The following C4orf51 variants were observed in gnomAD, a reference collection of about 807,000 sequenced individuals.
The protein encoded by C4orf51 is uncharacterized protein C4orf51.
C4orf51 carries 25 observed loss-of-function variants against 25.2 expected under a neutral mutation model. The ratio of observed to expected loss-of-function variants is 0.99; its 90% CI spans 0.72 to 1.39. The LOEUF (loss-of-function observed/expected upper bound fraction) is 1.39, where lower values mean the gene tolerates loss of function less well. Ranked by LOEUF, C4orf51 falls within the 40% of genes most tolerant of loss-of-function variation. The probability of loss-of-function intolerance (pLI) is 0.00; values close to 1 mark genes in which losing one functional copy is unlikely to be tolerated. For synonymous variants in C4orf51, 100 were observed against 84.5 expected, an observed-to-expected ratio of 1.18 and a Z score of -1.01; for missense variants, 252 against 239.6, an observed-to-expected ratio of 1.05 and a Z score of -0.34.
the C4orf51 span, among the ~76,000 whole-genome samples, chr4:145,784,446 T>A: frequency 6.6e-6 from 1 of 152,320 alleles, no homozygotes; most frequent in East Asian, 1.9e-4. Flanking sequence ...TTCCACCTTT[T>A]GACAGGCTTT....
intron 2 of C4orf51, among the ~76,000 whole-genome samples, chr4:145,707,266 C>T (rs762841861): frequency 1.3e-5 from 2 of 152,202 alleles, no homozygotes; most frequent in Non-Finnish European, 2.9e-5. Flanking sequence ...TATATAAAAT[C>T]TCTTCTTTAT....
intron 1 of C4orf51, among the ~76,000 whole-genome samples, chr4:145,740,258 A>C (rs867158392): frequency 9.9e-5 from 10 of 100,680 alleles, no homozygotes; most frequent in East Asian, 3.0e-4. Flanking sequence ...AAAAAAAAAA[A>C]AAAAAAAAAA....
At chr4:145,697,869 T>C (rs1436085692) in intron 2 of C4orf51, among the ~76,000 whole-genome samples, 3 of 152,250 alleles carry the variant, frequency 2.0e-5, no homozygotes, top group Non-Finnish European at 2.9e-5. Context: ...TTTGGATATG[T>C]ATCAGTAGGA....
chr4:145,792,409 T>A, the C4orf51 span, among the ~76,000 whole-genome samples: 2 of 152,096 alleles, frequency 1.3e-5, no homozygotes, highest in Non-Finnish European at 2.9e-5. Context: ...ATGGCATTAC[T>A]ACTGTCAATA....
At position 145,761,487 on chromosome 4, in the gene C4orf51, G is replaced by A. The variant is rs375750847; in HGVS notation, n.167-9501G>A. ...GGGTGTGCGTCTCCAGCTCCAGCTGGTTGGCCTTCACCGTCTGGCAGATCC... is the reference window on the plus strand; with the variant it reads ...GGGTGTGCGTCTCCAGCTCCAGCTGATTGGCCTTCACCGTCTGGCAGATCC... On this transcript the variant is annotated intron_variant and non_coding_transcript_variant, in intron 1 of 1. Coordinates refer to the C4orf51 transcript ENST00000510096. This position sits in a 1 kb window ranked among gnomAD's most constrained non-coding sequence, Gnocchi z 6.8. 1 of 1,289,742 alleles carries A rather than the reference G, an allele frequency of 7.8e-7. No homozygotes were observed. Among genetic ancestry groups the A allele is most frequent in the East Asian group, 5.5e-5 (1 of 18,032 alleles). 79.9% of individuals were successfully genotyped at this position (1,289,742 alleles called of 1,614,324 possible).
chr4:145,779,030 C>A, the C4orf51 span, among the ~76,000 whole-genome samples: 1 of 152,150 alleles, frequency 6.6e-6, no homozygotes, highest in Non-Finnish European at 1.5e-5. Context: ...CTCCCACCCA[C>A]AACAATAAGA....
chr4:145,729,759 A>G, intron 4 of C4orf51, 133 bp from the exon 5 acceptor site: 1 of 670,212 alleles, frequency 1.5e-6, no homozygotes, highest in South Asian at 1.8e-5. Flanking sequence ...TGCTGGTGGC[A>G]GAGGAGGGGG....
chr4:145,693,508 C>T (rs1423562468), intron 1 of C4orf51, among the ~76,000 whole-genome samples: 11 of 152,014 alleles, frequency 7.2e-5, no homozygotes, highest in African/African-American at 1.7e-4. Context: ...TCCACAAAGC[C>T]GCCATTGTCA....
At chr4:145,699,828 C>G (rs1730310946) in intron 2 of C4orf51, among the ~76,000 whole-genome samples, 1 of 152,010 alleles carries the variant, frequency 6.6e-6, no homozygotes, top group Admixed American at 6.5e-5. Flanking sequence ...TACCCCAACC[C>G]CTTCTCTCCT....
intron 1 of C4orf51, among the ~76,000 whole-genome samples, chr4:145,691,238 A>G (rs1267747751): frequency 1.3e-5 from 2 of 152,238 alleles, no homozygotes; most frequent in African/African-American, 2.4e-5. Context: ...AAAAACCACA[A>G]TGAGATACCA....
chr4:145,688,876 C>T (rs1729349394), intron 1 of C4orf51, among the ~76,000 whole-genome samples: 2 of 142,138 alleles, frequency 1.4e-5, no homozygotes, highest in Non-Finnish European at 3.1e-5. Context: ...CTGAGACACT[C>T]TCAAAATAAA....
At chr4:145,710,557 TAGA>T (rs1450378384) in intron 2 of C4orf51, among the ~76,000 whole-genome samples, 1 of 152,198 alleles carries the variant, frequency 6.6e-6, no homozygotes, top group Admixed American at 6.5e-5. Context: ...CAAATGTCCC[TAGA>T]AGGTCATATA....
At chr4:145,715,266 C>T (rs1004287314) in intron 2 of C4orf51, among the ~76,000 whole-genome samples, 3 of 152,162 alleles carry the variant, frequency 2.0e-5, no homozygotes, top group African/African-American at 4.8e-5. Context: ...TGTTGAGTTC[C>T]GAGCCCTGGT....
chr4:145,703,850 C>T (rs539328194), intron 2 of C4orf51, among the ~76,000 whole-genome samples: 39 of 152,300 alleles, frequency 2.6e-4, no homozygotes, highest in Middle Eastern at 3.4e-3. Flanking sequence ...TAATTATAGA[C>T]GAGACTGCTG....
chr4:145,766,552 C>A lies in C4orf51; in HGVS notation n.167-4436C>A, dbSNP rs111704545. ...GTGGAACCTGACAGACTCCGAGTGG[C>A]GGATACAGAGCTGAGGGTCTGACCA... is the stretch of plus-strand genomic sequence containing the variant. On this transcript the variant is annotated intron_variant and non_coding_transcript_variant, in intron 1 of 1. Coordinates refer to the C4orf51 transcript ENST00000510096. 1.7e-3 allele frequency among the ~76,000 whole-genome samples: 253 copies of A among 152,180 alleles called. 1 individual carries two copies. Among genetic ancestry groups the A allele is most frequent in the African/African-American group, 5.8e-3 (239 of 41,518 alleles).
At chr4:145,776,452 C>G in the C4orf51 span, among the ~76,000 whole-genome samples, 2 of 146,300 alleles carry the variant, frequency 1.4e-5, no homozygotes, top group African/African-American at 5.2e-5. Context: ...CGGAGATAAA[C>G]CTTGTTTCAA....
chr4:145,787,880 G>C, the C4orf51 span, among the ~76,000 whole-genome samples: 2 of 152,140 alleles, frequency 1.3e-5, no homozygotes, highest in East Asian at 3.8e-4. Flanking sequence ...ATCTTGCACA[G>C]GGTCAAGTAA....
rs374600935 is a variant in C4orf51, at chr4:145,745,320, AT to A, written n.168-8870del. ...ATCAAATACTAGGTCTTATTCATTC[AT>A]TTTTTTTTTTTTTTTTGGTACCCAT... On this transcript the variant is annotated intron_variant and non_coding_transcript_variant, in intron 1 of 1. Transcript: ENST00000508981. 5.4e-3 allele frequency among the ~76,000 whole-genome samples: 727 copies of A among 135,244 alleles called. 5 individuals are homozygous for A. Among genetic ancestry groups the A allele is most frequent in the Admixed American group, 6.7e-3 (91 of 13,652 alleles). 88.7% of individuals were successfully genotyped at this position (135,244 alleles called of 152,430 possible).
At chr4:145,712,292 G>A (rs1731174626) in intron 2 of C4orf51, among the ~76,000 whole-genome samples, 2 of 152,160 alleles carry the variant, frequency 1.3e-5, no homozygotes. Context: ...AGTAAGGAGG[G>A]CATATTGAAA....
Sources: allele counts gnomAD v4.1 joint callset (sites outside exome capture counted in the v4.1 genomes callset), GRCh38; gene constraint gnomAD v4.1.1; non-coding constraint Gnocchi (gnomAD v3.1); transcripts MANE v1.5; gene names NCBI Gene and HGNC (gene_info 2026-07-23, HGNC 2026-07-21).